CELF2: variants seen among roughly 807,000 people sequenced by gnomAD.
CELF2 encodes CUGBP Elav-like family member 2, also known as CUG triplet repeat RNA-binding protein 2.
CELF2 carries 8 observed loss-of-function variants against 62.6 expected under a neutral mutation model. The ratio of observed to expected loss-of-function variants is 0.13; its 90% CI spans 0.07 to 0.23. CELF2 has a LOEUF of 0.23. CELF2 is among the 10% of genes least tolerant of loss of function. The pLI is 1.00. For missense variants in CELF2, 333 were observed against 671.0 expected (o/e 0.50, Z 5.56); for synonymous variants, 258 against 250.0 (o/e 1.03, Z -0.30).
At chr10:10,485,963 A>G in the CELF2 span, among the ~76,000 whole-genome samples, 1 of 152,214 alleles carries the variant, frequency 6.6e-6, no homozygotes, top group Non-Finnish European at 1.5e-5. Context: ...TTTACATTCT[A>G]TACTCAGCAG....
the CELF2 span, among the ~76,000 whole-genome samples, chr10:10,586,118 C>T: frequency 2.6e-5 from 4 of 152,176 alleles, no homozygotes; most frequent in Non-Finnish European, 5.9e-5. Flanking sequence ...ACTGCAAATG[C>T]TTTTACTCTC....
the CELF2 span, among the ~76,000 whole-genome samples, chr10:10,744,013 G>A: frequency 6.6e-6 from 1 of 152,068 alleles, no homozygotes; most frequent in Non-Finnish European, 1.5e-5. Flanking sequence ...GTTCTACCCA[G>A]ATTTTTTTAA....
At position 11,269,236 on chromosome 10, in the gene CELF2, G is replaced by A. The variant is rs909971613; in HGVS notation, c.619-1430G>A. Among the ~76,000 whole-genome samples the A allele has an allele frequency of 3.3e-5, 5 of 152,098 alleles. No homozygotes were observed. On this transcript the variant is annotated intron_variant, in intron 6 of 12. Transcript: ENST00000633077. This position sits in a 1 kb window ranked among gnomAD's most constrained non-coding sequence, Gnocchi z 4.4. Reference sequence around the variant, plus strand: ...TTTAAATGATGGAAATACTATTTTTGTGCAATTTACTGACATTTAACATTC... The same window carrying A: ...TTTAAATGATGGAAATACTATTTTTATGCAATTTACTGACATTTAACATTC...
At chr10:10,637,763 A>G in the CELF2 span, among the ~76,000 whole-genome samples, 1 of 152,134 alleles carries the variant, frequency 6.6e-6, no homozygotes, top group Non-Finnish European at 1.5e-5. Context: ...TGCTCTGCTC[A>G]AGTTAACATG....
At chr10:10,550,138 A>G in the CELF2 span, among the ~76,000 whole-genome samples, 2 of 152,254 alleles carry the variant, frequency 1.3e-5, no homozygotes, top group Admixed American at 6.5e-5. Flanking sequence ...GGATTGACAC[A>G]TATTTTATGT....
At chr10:11,168,267 T>TC (rs1374490551) in intron 2 of CELF2, among the ~76,000 whole-genome samples, 4 of 152,190 alleles carry the variant, frequency 2.6e-5, no homozygotes, top group Non-Finnish European at 4.4e-5. Flanking sequence ...TACTGTGAAC[T>TC]CCAAGTCTCA....
chr10:10,800,116 C>T (rs1025656854), intron 1 of CELF2, among the ~76,000 whole-genome samples: 1 of 152,148 alleles, frequency 6.6e-6, no homozygotes, highest in African/African-American at 2.4e-5. Context: ...TTTTTAAGAA[C>T]AAGATTATAG....
At chr10:10,941,264 G>T (rs2047018183) in intron 2 of CELF2, among the ~76,000 whole-genome samples, 2 of 152,276 alleles carry the variant, frequency 1.3e-5, no homozygotes, top group Admixed American at 6.5e-5. Context: ...GACTGAGAGT[G>T]CTGGAGTGTT....
rs188489566 is a variant in CELF2, at chr10:11,241,322, C to G, written c.355-7831C>G. ...TCAAGCGATTCTCCTGCCTCAGTCT[C>G]CCAAGTAGCTGGGATTACAGGTGTG... On this transcript the variant is annotated intron_variant, in intron 3 of 12. Coordinates refer to ENST00000633077, the MANE Select transcript of CELF2 (RefSeq NM_001326342.2). 3.8e-3 allele frequency among the ~76,000 whole-genome samples: 579 copies of G among 152,352 alleles called. 3 individuals are homozygous for G. Among genetic ancestry groups the G allele is most frequent in the African/African-American group, 0.013 (551 of 41,586 alleles).
In CELF2 at chr10:11,260,802, C is replaced by T. The variant is rs536049913; in HGVS notation, c.538+2930C>T. ...ACAGACAGTGGTACTTTTTTCAATT[C>T]GCAGGACCCAGGGACTCCTGGCTAC... On this transcript the variant is annotated intron_variant, in intron 5 of 12. Transcript: ENST00000633077. This position sits in a 1 kb window ranked among gnomAD's most constrained non-coding sequence, Gnocchi z 4.2. Among the ~76,000 whole-genome samples the T allele has an allele frequency of 3.9e-5, 6 of 151,990 alleles. No individual in the cohort carries two copies. Among genetic ancestry groups the T allele is most frequent in the African/African-American group, 1.4e-4 (6 of 41,512 alleles).
In CELF2 at chr10:11,247,899, G is replaced by C. The variant is rs540425372; in HGVS notation, c.355-1254G>C. ...TGCTTTTGAAGAGGCAGCTCACTTA[G>C]CCTCTTTCTTCTCCCTCCTCCTCTG... On this transcript the variant is annotated intron_variant, in intron 3 of 12. Transcript: ENST00000633077. This position sits in a 1 kb window ranked among gnomAD's most constrained non-coding sequence, Gnocchi z 5.4. Among the ~76,000 whole-genome samples, 14 of 152,298 alleles carry C rather than the reference G, an allele frequency of 9.2e-5. No homozygotes were observed. In the East Asian group the frequency reaches 1.2e-3, roughly 13 times the overall value.
intron 2 of CELF2, among the ~76,000 whole-genome samples, chr10:10,999,492 T>C (rs749615472): frequency 2.6e-5 from 4 of 152,212 alleles, no homozygotes; most frequent in Non-Finnish European, 4.4e-5. Flanking sequence ...TCCTACCTAC[T>C]TGGGAGGCTG....
the CELF2 span, among the ~76,000 whole-genome samples, chr10:10,783,058 T>A: frequency 6.6e-6 from 1 of 152,208 alleles, no homozygotes; most frequent in South Asian, 2.1e-4. Context: ...GATGTATCTC[T>A]TTTTTCAGAA....
the CELF2 span, among the ~76,000 whole-genome samples, chr10:10,691,252 C>T: frequency 3.3e-5 from 5 of 151,148 alleles, no homozygotes; most frequent in African/African-American, 7.3e-5. Context: ...TGAGAATATG[C>T]GCTGTTTGGT....
the CELF2 span, among the ~76,000 whole-genome samples, chr10:10,769,537 C>T: frequency 2.0e-5 from 3 of 152,094 alleles, no homozygotes; most frequent in Non-Finnish European, 4.4e-5. Flanking sequence ...CTGAGGCTGG[C>T]AGGTCACCTG....
At chr10:11,235,806 T>C (rs1242726493) in intron 3 of CELF2, among the ~76,000 whole-genome samples, 1 of 149,860 alleles carries the variant, frequency 6.7e-6, no homozygotes, top group Non-Finnish European at 1.5e-5. Flanking sequence ...GAGAAGTTTT[T>C]TTTGGGGGGT....
At chr10:10,948,104 C>T (rs767826632) in intron 2 of CELF2, 2 of 152,210 alleles carry the variant, frequency 1.3e-5, no homozygotes, top group Non-Finnish European at 2.9e-5. Flanking sequence ...GATCATACAG[C>T]TGGAAAGTGG....
At chr10:11,230,766 G>A (rs1478021984) in intron 3 of CELF2, among the ~76,000 whole-genome samples, 2 of 152,210 alleles carry the variant, frequency 1.3e-5, no homozygotes, top group African/African-American at 4.8e-5. Flanking sequence ...GAATGGAAAT[G>A]CTGCTATTTT....
intron 1 of CELF2, among the ~76,000 whole-genome samples, chr10:10,868,874 G>C (rs1403856790): frequency 6.6e-6 from 1 of 152,196 alleles, no homozygotes; most frequent in Non-Finnish European, 1.5e-5. Context: ...TACCAAATAG[G>C]TAGGTCTTCA....
Sources: gnomAD v4.1 joint callset for allele counts (sites outside exome capture counted in the v4.1 genomes callset) on GRCh38, gnomAD v4.1.1 for gene constraint, Gnocchi (gnomAD v3.1) non-coding constraint, MANE v1.5 for transcripts, NCBI Gene and HGNC (gene_info 2026-07-23, HGNC 2026-07-21) for gene names.